MPDZ: variants seen among roughly 807,000 people sequenced by gnomAD.
The protein encoded by MPDZ is multiple PDZ domain crumbs cell polarity complex component.
Under a neutral mutation model 239.1 loss-of-function variants are expected in MPDZ, and 234 were observed. The ratio of observed to expected loss-of-function variants is 0.98; its 90% CI spans 0.88 to 1.09. The LOEUF (loss-of-function observed/expected upper bound fraction) is 1.09. MPDZ is among the 50% of genes least tolerant of loss of function. MPDZ has a pLI of 0.00. For missense variants in MPDZ, 3,175 were observed against 2,510.0 expected (o/e 1.26, Z -5.66); for synonymous variants, 1,048 against 881.3 (o/e 1.19, Z -3.35).
At chr9:13,121,989 TG>T (rs561903359) in intron 37 of MPDZ, 57 bp from the exon 38 acceptor site, 2 of 1,596,538 alleles carry the variant, frequency 1.3e-6, no homozygotes, top group Non-Finnish European at 1.7e-6. Flanking sequence ...GAGAGTTAGG[TG>T]GGGAAGGGAA....
chr9:13,261,899 G>T (rs1244796496), intron 1 of MPDZ, among the ~76,000 whole-genome samples: 2 of 150,430 alleles, frequency 1.3e-5, no homozygotes, highest in Non-Finnish European at 3.0e-5. Flanking sequence ...GTTAAAATTA[G>T]CCAGGCGTAG....
chr9:13,259,439 C>T (rs1036927688), intron 1 of MPDZ, among the ~76,000 whole-genome samples: 1 of 152,170 alleles, frequency 6.6e-6, no homozygotes, highest in Non-Finnish European at 1.5e-5. Context: ...GGGGCACTTA[C>T]ATGACTAGCA....
At chr9:13,170,329 C>T (rs1043683669) in intron 21 of MPDZ, among the ~76,000 whole-genome samples, 1 of 152,080 alleles carries the variant, frequency 6.6e-6, no homozygotes, top group African/African-American at 2.4e-5. Flanking sequence ...TGGATGTGGG[C>T]AATTCAGGCT....
chr9:13,150,643 A>G lies in MPDZ; in HGVS notation c.3498T>C (p.Ile1166=), dbSNP rs1367167432. The change falls in exon 25 of 47, where the codon ATT becomes ATC. Residue 1166 remains isoleucine (I), a synonymous_variant. Coordinates refer to ENST00000319217, the MANE Select transcript of MPDZ (RefSeq NM_001378778.1). ...GACTCCCCATCCCTCGTCCACCAAC[A>G]ATGCTGATGCCTAAGGATTTGCTTG... ...REPSKSLGIS[I]VGGRGMGSRL... 1 of 1,504,498 alleles carries G rather than the reference A, an allele frequency of 6.6e-7. No homozygotes were observed. Among genetic ancestry groups the G allele is most frequent in the Non-Finnish European group, 8.9e-7 (1 of 1,123,066 alleles). The allele number at this position is 1,504,498 out of a possible 1,614,324, so 93.2% of individuals were successfully genotyped here.
intron 12 of MPDZ, among the ~76,000 whole-genome samples, chr9:13,198,634 T>C (rs1030533178): frequency 6.6e-6 from 1 of 152,030 alleles, no homozygotes; most frequent in African/African-American, 2.4e-5. Context: ...CCCGTGCTTT[T>C]GTGAAATTAC....
At chr9:13,238,096 C>G (rs1564104437) in intron 3 of MPDZ, among the ~76,000 whole-genome samples, 1 of 152,098 alleles carries the variant, frequency 6.6e-6, no homozygotes, top group East Asian at 1.9e-4. Context: ...AAAGCAGCCC[C>G]AAAATCATTT....
intron 38 of MPDZ, 74 bp from the exon 39 acceptor site, chr9:13,119,723 G>A (rs114007657): frequency 3.6e-5 from 56 of 1,571,850 alleles, no homozygotes; most frequent in East Asian, 1.3e-4. Flanking sequence ...AAAAAGTTAC[G>A]TTTTTACCCA....
intron 36 of MPDZ, among the ~76,000 whole-genome samples, chr9:13,122,594 C>G (rs1400975880): frequency 6.7e-6 from 1 of 150,282 alleles, no homozygotes. Context: ...GATCTCAGCT[C>G]ACTGCAACCT....
At chr9:13,219,509 T>C (rs1436672447) in intron 8 of MPDZ, 50 bp downstream of exon 8, 1 of 1,512,226 alleles carries the variant, frequency 6.6e-7, no homozygotes, top group Non-Finnish European at 9.1e-7. Context: ...ACTGTCGTCA[T>C]CTAAGTGTTA....
rs372073159 is a variant in MPDZ at position 13,183,454 on chromosome 9, C to G, written c.2613G>C (p.Leu871=). The G allele has an allele frequency of 5.6e-6, 9 of 1,610,590 alleles. No individual in the cohort carries two copies. In the African/African-American group the frequency reaches 1.2e-4, roughly 22 times the overall value. The change falls in exon 19 of 47, where the codon CTG becomes CTC. Residue 871 remains leucine, a synonymous_variant. Transcript: ENST00000319217. Reference sequence around the variant, plus strand: ...ATGATGGAAGGGAAGAACCATAGTTCAGGCCATCACCACAAGAACTGCCAT... The same window carrying G: ...ATGATGGAAGGGAAGAACCATAGTTGAGGCCATCACCACAAGAACTGCCAT... ...SLHGSSCGDG[L]NYGSSLPSSP...
chr9:13,192,603 A>G (rs1955088102), intron 14 of MPDZ, among the ~76,000 whole-genome samples: 1 of 152,282 alleles, frequency 6.6e-6, no homozygotes, highest in African/African-American at 2.4e-5. Flanking sequence ...GGACAAGGAG[A>G]AGAATAGTAT....
chr9:13,158,993 A>G (rs1034194570), intron 23 of MPDZ, among the ~76,000 whole-genome samples: 1 of 152,196 alleles, frequency 6.6e-6, no homozygotes, highest in Non-Finnish European at 1.5e-5. Flanking sequence ...AGAGAAGGCT[A>G]TAAAAACTCT....
intron 1 of MPDZ, among the ~76,000 whole-genome samples, chr9:13,259,004 G>A (rs902077944): frequency 4.0e-5 from 6 of 151,708 alleles, no homozygotes; most frequent in African/African-American, 1.5e-4. Flanking sequence ...AGAATCGCTT[G>A]AACCCAGGAG....
chr9:13,206,820 G>C (rs895672707), intron 10 of MPDZ, among the ~76,000 whole-genome samples: 3 of 152,084 alleles, frequency 2.0e-5, no homozygotes, highest in African/African-American at 7.2e-5. Flanking sequence ...GAGATTACAG[G>C]CGTGAGCCAC....
intron 10 of MPDZ, among the ~76,000 whole-genome samples, chr9:13,206,775 C>T (rs1957050143): frequency 6.6e-6 from 1 of 152,050 alleles, no homozygotes; most frequent in Non-Finnish European, 1.5e-5. Context: ...ATCTCTTGAC[C>T]TCGTGATCTG....
chr9:13,120,338 G>T (rs1047143431), intron 38 of MPDZ: 5 of 151,942 alleles, frequency 3.3e-5, no homozygotes, highest in African/African-American at 1.2e-4. Context: ...ACTTGTTCTT[G>T]CCAAGGTCAT....
At chr9:13,260,183 T>C (rs1970350190) in intron 1 of MPDZ, among the ~76,000 whole-genome samples, 1 of 151,934 alleles carries the variant, frequency 6.6e-6, no homozygotes, top group Non-Finnish European at 1.5e-5. Context: ...TTTGGCAAAG[T>C]GATCTTTAGA....
chr9:13,231,900 T>C (rs972591121), intron 3 of MPDZ, among the ~76,000 whole-genome samples: 8 of 152,124 alleles, frequency 5.3e-5, no homozygotes, highest in African/African-American at 1.9e-4. Flanking sequence ...TATGACCAAG[T>C]TGGGCATTCC....
Position 13,108,941 on chromosome 9 carries a change from C to T in MPDZ, c.6061G>A (p.Ala2021Thr). 1.2e-6 allele frequency: 2 copies of T among 1,610,332 alleles called. No individual in the cohort carries two copies. Among genetic ancestry groups the T allele is most frequent in the Non-Finnish European group, 1.7e-6 (2 of 1,177,838 alleles). Residue 2021 changes from alanine to threonine, a missense_variant, in exon 46 of 47, where the codon GCA (alanine) becomes ACA (threonine). By Grantham distance (58) the Ala-to-Thr change is moderately conservative. Transcript: ENST00000319217. Reference protein sequence around the residue: ...DLPIYVKTVFAKGAASEDGRL... With the variant: ...DLPIYVKTVFTKGAASEDGRL... Reference sequence around the variant, plus strand: ...GTTAAAATTTGCAAGCTTACCTTTGCAAACACTGTTTTAACATAAATGGGT... The same window carrying T: ...GTTAAAATTTGCAAGCTTACCTTTGTAAACACTGTTTTAACATAAATGGGT...
Sources: gnomAD v4.1 joint callset for allele counts (sites outside exome capture counted in the v4.1 genomes callset) on GRCh38, gnomAD v4.1.1 for gene constraint, MANE v1.5 for transcripts, NCBI Gene and HGNC (gene_info 2026-07-23, HGNC 2026-07-21) for gene names.